MON1B: variants seen among roughly 807,000 people sequenced by gnomAD.
The protein encoded by MON1B is MON1 vesicular trafficking associated B.
MON1B carries 26 observed loss-of-function variants against 45.1 expected under a neutral mutation model. The ratio of observed to expected loss-of-function variants is 0.58; its 90% confidence interval spans 0.42 to 0.80. The LOEUF is 0.80. MON1B is among the 30% of genes least tolerant of loss of function. The pLI is 0.00. For missense variants in MON1B, 737 were observed against 754.5 expected, an observed-to-expected ratio of 0.98 and a Z score of 0.27; for synonymous variants, 395 against 320.2, an observed-to-expected ratio of 1.23 and a Z score of -2.49.
At position 77,199,414 on chromosome 16, in the gene MON1B, C is replaced by T. The variant is rs1481832586; in HGVS notation, c.*1106C>T. 1 of 1,548,332 alleles carries T rather than the reference C, an allele frequency of 6.5e-7. No individual in the cohort carries two copies. The highest frequency in any genetic ancestry group is 2.0e-5 in the Admixed American group (1 of 50,794). On this transcript the variant is annotated 3_prime_UTR_variant, in exon 6 of 6. Coordinates refer to ENST00000248248, the MANE Select transcript of MON1B (RefSeq NM_014940.4). ...TCACGTGGTTTCTTTTTTAACCAGT[C>T]ATCAAGCGAGGCTCGCGCGCAGGCC...
At position 77,194,351 on chromosome 16, in the gene MON1B, G is replaced by C; in HGVS notation, c.492G>C (p.Val164=). The C allele has an allele frequency of 6.2e-7, 1 of 1,606,776 alleles. No individual in the cohort carries two copies. Among genetic ancestry groups the C allele is most frequent in the Non-Finnish European group, 8.5e-7 (1 of 1,179,924 alleles). ...RAIYAEDHKL[V]FLQQGPLLLV... ...CTTCCCTAGAGGACCACAAGCTGGT[G>C]TTCCTACAACAGGGCCCACTGTTGC... Residue 164 remains valine (V), a synonymous_variant, in exon 4 of 6, where the codon GTG becomes GTC. Coordinates refer to ENST00000248248, the MANE Select transcript of MON1B (RefSeq NM_014940.4). This position sits in a 1 kb window ranked among gnomAD's most constrained non-coding sequence, Gnocchi z 8.1.
At position 77,194,142 on chromosome 16, in the gene MON1B, C is replaced by A; in HGVS notation, c.476-193C>A. 1.5e-6 allele frequency: 1 copy of A among 672,390 alleles called. No individual in the cohort carries two copies. Among genetic ancestry groups the A allele is most frequent in the Non-Finnish European group, 2.7e-6 (1 of 376,670 alleles). The allele number at this position is 672,390 out of a possible 1,614,324, so 41.7% of individuals were successfully genotyped here. ...GTATCTAACCTACTTGTTCCTTTGT[C>A]CATCCCATCATGTCTCTGCAAATGT... On this transcript the variant is annotated intron_variant, in intron 3 of 5. Transcript: ENST00000248248. The surrounding 1 kb of genome is among the most constrained non-coding windows in gnomAD (Gnocchi z 8.1).
At chr16:77,195,776 C>T in intron 5 of MON1B, 94 bp downstream of exon 5, 4 of 1,467,656 alleles carry the variant, frequency 2.7e-6, no homozygotes, top group Non-Finnish European at 3.7e-6. Context: ...CTCCACCAAA[C>T]ACAGCAGGCC....
In MON1B at chr16:77,199,359, C is replaced by G; in HGVS notation, c.*1051C>G. ...TAACCGCTGGCGTAACCGCGGGTTG[C>G]ACGCATGCGTGCTGAAAAGCCTTTC... is the stretch of plus-strand genomic sequence containing the variant. On this transcript the variant is annotated 3_prime_UTR_variant, in exon 6 of 6. Coordinates refer to ENST00000248248, the MANE Select transcript of MON1B (RefSeq NM_014940.4). The G allele has an allele frequency of 1.5e-6, 2 of 1,298,570 alleles. No homozygotes were observed. Among genetic ancestry groups the G allele is most frequent in the Non-Finnish European group, 2.2e-6 (2 of 927,282 alleles). The allele number at this position is 1,298,570 out of a possible 1,614,324, so 80.4% of individuals were successfully genotyped here.
Position 77,193,072 on chromosome 16 carries a change from G to A in MON1B, c.149-379G>A, listed in dbSNP as rs924377732. Among the ~76,000 whole-genome samples the A allele has an allele frequency of 6.6e-6, 1 of 152,058 alleles. No individual in the cohort carries two copies. The highest frequency in any genetic ancestry group is 2.4e-5 in the African/African-American group (1 of 41,358). On this transcript the variant is annotated intron_variant, in intron 2 of 5. Transcript: ENST00000248248. This position sits in a 1 kb window ranked among gnomAD's most constrained non-coding sequence, Gnocchi z 5.0. ...GCAGATATCAGGAGAAAAAATAGCG[G>A]TCAGAGGAGTTAATGGGGGATCATT...
chr16:77,197,711 G>T (rs1004352273), intron 5 of MON1B, among the ~76,000 whole-genome samples: 2 of 152,160 alleles, frequency 1.3e-5, no homozygotes, highest in Non-Finnish European at 2.9e-5. Flanking sequence ...TCTCCATGTG[G>T]TATGAGGCAT....
rs375891891 is a variant in MON1B at position 77,198,451 on chromosome 16, C to T, written c.*143C>T. ...AATGGGGCAAGGTCTGAGGGCCCAC[C>T]GATGAGAGAGATGGTGGCAGCCGCC... On this transcript the variant is annotated 3_prime_UTR_variant, in exon 6 of 6. Transcript: ENST00000248248. 47 of 894,730 alleles carry T rather than the reference C, an allele frequency of 5.3e-5. No homozygotes were observed. Among genetic ancestry groups the T allele is most frequent in the East Asian group, 2.3e-4 (9 of 38,326 alleles). 55.4% of individuals were successfully genotyped at this position (894,730 alleles called of 1,614,324 possible).
intron 5 of MON1B, 56 bp downstream of exon 5, chr16:77,195,738 T>C: frequency 1.9e-6 from 3 of 1,595,992 alleles, no homozygotes; most frequent in Non-Finnish European, 2.6e-6. Flanking sequence ...CTCCTTTCCC[T>C]ATATTGTATC....
intron 5 of MON1B, among the ~76,000 whole-genome samples, chr16:77,196,307 AACTTTC>A (rs1190518921): frequency 6.9e-6 from 1 of 144,602 alleles, no homozygotes; most frequent in Non-Finnish European, 1.5e-5. Flanking sequence ...AAATTTTTTT[AACTTTC>A]ATTTTCAAAT....
rs1224822651 is a variant in MON1B, at chr16:77,191,203, C to A, written c.-66C>A. 5.2e-6 allele frequency: 8 copies of A among 1,535,996 alleles called. No individual in the cohort carries two copies. The African/African-American group carries it at 9.6e-5, about 18-fold the overall frequency. ...GGCCGCACCCGGAAGTGTGATGCCACCGCCGCTACGGGGAAGTAATGGTAT... is the reference window on the plus strand; with the variant it reads ...GGCCGCACCCGGAAGTGTGATGCCAACGCCGCTACGGGGAAGTAATGGTAT... On this transcript the variant is annotated 5_prime_UTR_variant, in exon 1 of 6. Coordinates refer to ENST00000248248, the MANE Select transcript of MON1B (RefSeq NM_014940.4).
rs988779005 is a variant in MON1B, at chr16:77,194,421, G to A, written c.562G>A (p.Gly188Arg). ...RTSQSAAQLR[G>R]ELLAVHAQIV... is the part of the protein sequence containing the mutation. ...TTCTCAGTCAGCAGCCCAGCTGCGG[G>A]GGGAGCTGCTAGCTGTGCACGCACA... The change falls in exon 4 of 6, where the codon GGG becomes AGG. Residue 188 changes from glycine to arginine, a missense_variant. Physicochemically the swap from Gly to Arg is moderately radical, Grantham distance 125. Transcript: ENST00000248248. The surrounding 1 kb of genome is among the most constrained non-coding windows in gnomAD (Gnocchi z 8.1). 11 of 1,613,700 alleles carry A rather than the reference G, an allele frequency of 6.8e-6. No homozygotes were observed. The highest frequency in any genetic ancestry group is 8.5e-6 in the Non-Finnish European group (10 of 1,180,012).
At chr16:77,197,983 G>C in intron 5 of MON1B, 125 bp from the exon 6 acceptor site, 4 of 920,712 alleles carry the variant, frequency 4.3e-6, no homozygotes, top group Non-Finnish European at 6.8e-6. Context: ...GCAGCACCTG[G>C]TAGGAGGTGC....
In MON1B at chr16:77,193,610, A is replaced by T; in HGVS notation, c.308A>T (p.Glu103Val). 6.2e-7 allele frequency: 1 copy of T among 1,614,092 alleles called. No individual in the cohort carries two copies. The highest frequency in any genetic ancestry group is 1.1e-5 in the South Asian group (1 of 91,088). Reference protein sequence around the residue: ...SGGQGGDPSDEEWRSQRKHVF... With the variant: ...SGGQGGDPSDVEWRSQRKHVF... ...GGCCAGGGCGGGGACCCCAGTGATG[A>T]GGAGTGGCGCAGCCAGCGGAAGCAT... Residue 103 changes from glutamate to valine, a missense_variant, in exon 3 of 6, where the codon GAG (glutamate) becomes GTG (valine). Physicochemically the swap from Glu to Val is moderately radical, Grantham distance 121 (BLOSUM62 -2). Transcript: ENST00000248248. The surrounding 1 kb of genome is among the most constrained non-coding windows in gnomAD (Gnocchi z 5.0).
chr16:77,197,923 C>T (rs2054682661), intron 5 of MON1B, among the ~76,000 whole-genome samples, 185 bp from the exon 6 acceptor site: 1 of 152,156 alleles, frequency 6.6e-6, no homozygotes, highest in African/African-American at 2.4e-5. Flanking sequence ...GTCACTAGGT[C>T]CAGCTGAAAT....
intron 5 of MON1B, 25 bp from the exon 6 acceptor site, chr16:77,198,083 A>ACT (rs780619158): frequency 6.2e-7 from 1 of 1,609,360 alleles, no homozygotes; most frequent in East Asian, 2.2e-5. Context: ...GGCCCATCTG[A>ACT]CTCTGTCTCC....
At position 77,195,651 on chromosome 16, in the gene MON1B, A is replaced by G; in HGVS notation, c.1412A>G (p.His471Arg). The G allele has an allele frequency of 6.2e-7, 1 of 1,614,020 alleles. No individual in the cohort carries two copies. The highest frequency in any genetic ancestry group is 8.5e-7 in the Non-Finnish European group (1 of 1,180,000). Residue 471 changes from histidine (H) to arginine (R), a missense_variant, in exon 5 of 6, where the codon CAC becomes CGC. Coordinates refer to ENST00000248248, the MANE Select transcript of MON1B (RefSeq NM_014940.4). The part of the protein sequence containing the change: ...STSRPLRLIY[H>R]VAEKETLLAW... ...TCCCGACCCCTGCGCCTCATTTACC[A>G]CGTGGCTGAGAAGGAGACACTACTG...
At chr16:77,191,761 G>C in intron 2 of MON1B, 128 bp downstream of exon 2, 1 of 1,084,348 alleles carries the variant, frequency 9.2e-7, no homozygotes, top group Admixed American at 3.0e-5. Flanking sequence ...ACCATCGCCG[G>C]GTCAGGAGGA....
intron 1 of MON1B, 107 bp from the exon 2 acceptor site, chr16:77,191,368 TC>T: frequency 6.3e-7 from 1 of 1,580,224 alleles, no homozygotes; most frequent in Non-Finnish European, 8.6e-7. Flanking sequence ...CCTATTGAAA[TC>T]CGTGGGGAAA....
intron 4 of MON1B, 43 bp downstream of exon 4, chr16:77,195,197 G>C (rs759543975): frequency 2.0e-6 from 3 of 1,466,574 alleles, no homozygotes; most frequent in Admixed American, 2.3e-5. Context: ...GGGAAGGCCT[G>C]TCAAACCAGG....
Sources: allele counts gnomAD v4.1 joint callset (sites outside exome capture counted in the v4.1 genomes callset), GRCh38; gene constraint gnomAD v4.1.1; non-coding constraint Gnocchi (gnomAD v3.1); transcripts MANE v1.5; gene names NCBI Gene and HGNC (gene_info 2026-07-23, HGNC 2026-07-21).